The following TBC1D5 variants were observed in gnomAD, a reference collection of about 807,000 sequenced individuals.
TBC1D5 encodes TBC1 domain family, member 5.
In TBC1D5, 75 loss-of-function variants were observed where a neutral mutation model predicts 100.3. The ratio of observed to expected loss-of-function variants is 0.75; its 90% CI spans 0.62 to 0.91. TBC1D5 has a LOEUF of 0.91. Ranked by LOEUF, TBC1D5 falls within the 40% of genes least tolerant of loss-of-function variation. TBC1D5 has a pLI of 0.00. For missense variants in TBC1D5, 910 were observed against 942.4 expected, an observed-to-expected ratio of 0.97 and a Z score of 0.45; for synonymous variants, 323 against 325.6, an observed-to-expected ratio of 0.99 and a Z score of 0.09.
At chr3:17,213,329 TG>T (rs1464419777) in intron 18 of TBC1D5, among the ~76,000 whole-genome samples, 45 of 152,234 alleles carry the variant, frequency 3.0e-4, no homozygotes, top group Non-Finnish European at 2.9e-5. Context: ...CACATTCCTC[TG>T]AATGTATCAT....
intron 11 of TBC1D5, 43 bp from the exon 12 acceptor site, chr3:17,374,583 T>C (rs374108024): frequency 7.1e-4 from 1,137 of 1,608,902 alleles, no homozygotes; most frequent in Non-Finnish European, 7.8e-4. Context: ...TTCATTAAAA[T>C]AATGATGGTA....
At chr3:17,508,430 T>A in intron 3 of TBC1D5, 44 bp downstream of exon 3, 8 of 1,514,004 alleles carry the variant, frequency 5.3e-6, no homozygotes, top group Non-Finnish European at 7.3e-6. Flanking sequence ...CTGCTAGGTT[T>A]CCCAGTACAC....
chr3:17,636,114 A>G (rs2063893424), intron 1 of TBC1D5, among the ~76,000 whole-genome samples: 1 of 152,080 alleles, frequency 6.6e-6, no homozygotes. Context: ...AATCGCTGGG[A>G]CCCGGGAGGC....
At chr3:17,595,547 C>T (rs1366438540) in intron 2 of TBC1D5, among the ~76,000 whole-genome samples, 1 of 152,168 alleles carries the variant, frequency 6.6e-6, no homozygotes, top group Non-Finnish European at 1.5e-5. Flanking sequence ...TATTGAAATG[C>T]CTACTCTGGG....
intron 3 of TBC1D5, among the ~76,000 whole-genome samples, chr3:17,457,551 C>T (rs1477737836): frequency 6.6e-6 from 1 of 152,164 alleles, no homozygotes; most frequent in African/African-American, 2.4e-5. Context: ...CTGAAATTAA[C>T]CATCTGATGT....
chr3:17,256,062 T>G (rs931370290), intron 16 of TBC1D5, among the ~76,000 whole-genome samples: 1 of 152,102 alleles, frequency 6.6e-6, no homozygotes, highest in Admixed American at 6.5e-5. Context: ...AAAAAAAATT[T>G]GAAATAAGAT....
exon 22 of TBC1D5, chr3:17,158,105 T>G (rs760739689): frequency 5.3e-5 from 8 of 152,256 alleles, no homozygotes; most frequent in Admixed American, 1.3e-4. Flanking sequence ...TGGCATACAC[T>G]CAAGGTAAGG....
intron 4 of TBC1D5, among the ~76,000 whole-genome samples, chr3:17,418,612 A>C (rs1347404099): frequency 2.0e-5 from 3 of 152,170 alleles, no homozygotes; most frequent in Non-Finnish European, 4.4e-5. Context: ...AAAAAAAAAA[A>C]AACTATGATA....
intron 13 of TBC1D5, among the ~76,000 whole-genome samples, chr3:17,336,027 G>T (rs1347164483): frequency 6.6e-6 from 1 of 151,994 alleles, no homozygotes; most frequent in Non-Finnish European, 1.5e-5. Flanking sequence ...ATTTCTCAGG[G>T]TTTACAATGT....
intron 14 of TBC1D5, among the ~76,000 whole-genome samples, chr3:17,307,446 C>T (rs192102995): frequency 6.6e-6 from 1 of 152,212 alleles, no homozygotes; most frequent in Admixed American, 6.5e-5. Flanking sequence ...CCGGTTATTA[C>T]AGACACCATA....
intron 15 of TBC1D5, among the ~76,000 whole-genome samples, chr3:17,277,802 C>G (rs1023808953): frequency 6.6e-6 from 1 of 152,196 alleles, no homozygotes; most frequent in African/African-American, 2.4e-5. Context: ...AAAGTGGGAA[C>G]AGGAGCCAGG....
chr3:17,617,615 A>G (rs944402039), intron 2 of TBC1D5, among the ~76,000 whole-genome samples: 1 of 152,084 alleles, frequency 6.6e-6, no homozygotes, highest in Admixed American at 6.6e-5. Context: ...TTTCTTCTCT[A>G]AACTTGTCTT....
chr3:17,171,008 G>C (rs77043496), intron 19 of TBC1D5, among the ~76,000 whole-genome samples: 2,830 of 152,232 alleles, frequency 0.019, 86 homozygotes, highest in African/African-American at 0.064. Flanking sequence ...TCCCAATACA[G>C]TGTCTATACA....
At chr3:17,425,186 A>G (rs1379836228) in intron 4 of TBC1D5, among the ~76,000 whole-genome samples, 1 of 152,246 alleles carries the variant, frequency 6.6e-6, no homozygotes, top group Non-Finnish European at 1.5e-5. Context: ...AGCATTTACC[A>G]TATGTCATTA....
intron 2 of TBC1D5, among the ~76,000 whole-genome samples, chr3:17,523,935 C>T (rs1048855377): frequency 6.6e-6 from 1 of 152,118 alleles, no homozygotes; most frequent in Non-Finnish European, 1.5e-5. Context: ...TGGAGGATGA[C>T]TGGGAGAAGT....
chr3:17,169,298 G>A (rs2066940967), intron 19 of TBC1D5, among the ~76,000 whole-genome samples: 1 of 152,174 alleles, frequency 6.6e-6, no homozygotes. Flanking sequence ...AGTATTTACT[G>A]ACTGATGGAA....
At chr3:17,472,889 A>G (rs1472778464) in intron 3 of TBC1D5, among the ~76,000 whole-genome samples, 1 of 152,238 alleles carries the variant, frequency 6.6e-6, no homozygotes, top group Non-Finnish European at 1.5e-5. Flanking sequence ...TCTAAATATT[A>G]ACATTAATGC....
In TBC1D5 at chr3:17,291,903, CT is replaced by C; in HGVS notation, c.1236del (p.Asp413IlefsTer9). On this transcript the variant is annotated frameshift_variant, in exon 15 of 22. Coordinates refer to ENST00000253692, the Ensembl canonical transcript of TBC1D5. LOFTEE classifies it high-confidence loss of function. ...CTACTGGGGAAGCTTACCTTTGGAT[CT>C]CTAAGGAACAGAGCCTTAAGAATCA... 1 of 1,612,872 alleles carries C rather than the reference CT, an allele frequency of 6.2e-7. No individual in the cohort carries two copies. The highest frequency in any genetic ancestry group is 8.5e-7 in the Non-Finnish European group (1 of 1,179,504).
intron 1 of TBC1D5, among the ~76,000 whole-genome samples, chr3:17,678,747 G>A (rs1276399385): frequency 6.8e-6 from 1 of 147,846 alleles, no homozygotes; most frequent in African/African-American, 2.5e-5. Context: ...CTCTTAAAAG[G>A]GTCCTCTGAA....
Sources: gnomAD v4.1 joint callset for allele counts (sites outside exome capture counted in the v4.1 genomes callset) on GRCh38, gnomAD v4.1.1 for gene constraint, MANE v1.5 for transcripts, NCBI Gene and HGNC (gene_info 2026-07-23, HGNC 2026-07-21) for gene names.